Variants in ACSS3 observed in about 807,000 individuals in gnomAD.
ACSS3 encodes acyl-CoA synthetase short chain family member 3, also known as acyl-CoA synthetase short-chain family member 3, mitochondrial.
Under a neutral mutation model 84.2 loss-of-function variants are expected in ACSS3, and 64 were observed. The observed-to-expected ratio is 0.76, with a 90% CI of 0.62 to 0.94. ACSS3 has a LOEUF of 0.94. Among genes scored for constraint, ACSS3 ranks in the 40% least tolerant of loss-of-function variants. ACSS3 has a pLI of 0.00. For synonymous variants in ACSS3, 317 were observed against 310.1 expected (o/e 1.02, Z -0.23); for missense variants, 815 against 867.6 (o/e 0.94, Z 0.76).
intron 3 of ACSS3, among the ~76,000 whole-genome samples, chr12:81,135,765 A>G (rs1885770081): frequency 6.6e-6 from 1 of 152,116 alleles, no homozygotes; most frequent in South Asian, 2.1e-4. Context: ...CCAGACTTCA[A>G]GCTATTTAAA....
At chr12:81,243,567 G>A (rs1006509596) in intron 13 of ACSS3, among the ~76,000 whole-genome samples, 6 of 152,090 alleles carry the variant, frequency 3.9e-5, no homozygotes, top group Non-Finnish European at 8.8e-5. Flanking sequence ...TCCTAAGCCA[G>A]AAGAACAAAG....
At chr12:81,245,039 C>T (rs2033937182) in intron 13 of ACSS3, among the ~76,000 whole-genome samples, 1 of 152,042 alleles carries the variant, frequency 6.6e-6, no homozygotes, top group Non-Finnish European at 1.5e-5. Context: ...TAGGCCTTTG[C>T]TGGTGTATTG....
At chr12:81,207,251 A>G (rs1203389837) in intron 9 of ACSS3, among the ~76,000 whole-genome samples, 1 of 152,136 alleles carries the variant, frequency 6.6e-6, no homozygotes, top group African/African-American at 2.4e-5. Flanking sequence ...TGGAAATTTG[A>G]TTCCCCCTGA....
chr12:81,103,345 C>G (rs1293832637), intron 1 of ACSS3, among the ~76,000 whole-genome samples: 20 of 152,074 alleles, frequency 1.3e-4, no homozygotes, highest in Admixed American at 1.3e-3. Flanking sequence ...GGGAGACAAA[C>G]CATTTAAAAC....
intron 11 of ACSS3, among the ~76,000 whole-genome samples, chr12:81,230,841 T>C (rs937578066): frequency 3.3e-5 from 5 of 151,860 alleles, no homozygotes; most frequent in African/African-American, 1.2e-4. Flanking sequence ...TTTGTGCACT[T>C]TCCAGAGACT....
At chr12:81,200,931 A>T (rs2032077075) in intron 9 of ACSS3, among the ~76,000 whole-genome samples, 1 of 151,768 alleles carries the variant, frequency 6.6e-6, no homozygotes, top group Non-Finnish European at 1.5e-5. Flanking sequence ...GAAAGAAAAA[A>T]ATGTTTTTTA....
chr12:81,152,030 G>C lies in ACSS3; in HGVS notation c.1032G>C (p.Trp344Cys). 1 of 1,613,462 alleles carries C rather than the reference G, an allele frequency of 6.2e-7. No homozygotes were observed. Among genetic ancestry groups the C allele is most frequent in the Non-Finnish European group, 8.5e-7 (1 of 1,179,766 alleles). The change falls in exon 7 of 16, where the codon TGG becomes TGC. Residue 344 changes from tryptophan to cysteine, a missense_variant. Trp to Cys is a radical substitution (Grantham distance 215, BLOSUM62 -2). Coordinates refer to ENST00000548058, the MANE Select transcript of ACSS3 (RefSeq NM_024560.4). The part of the protein sequence containing the change: ...EVWWAASDLG[W>C]VVGHSYICYG... ...GGTGGGCAGCTTCTGACTTAGGCTG[G>C]GTTGTTGGACATTCCTATATCTGCT...
At chr12:81,125,225 AC>A (rs1342059553) in intron 2 of ACSS3, among the ~76,000 whole-genome samples, 1 of 152,060 alleles carries the variant, frequency 6.6e-6, no homozygotes, top group African/African-American at 2.4e-5. Flanking sequence ...AAAAAAAAAA[AC>A]AAAACAAAAC....
chr12:81,142,596 C>T (rs1886144119), intron 4 of ACSS3, among the ~76,000 whole-genome samples: 1 of 152,106 alleles, frequency 6.6e-6, no homozygotes, highest in African/African-American at 2.4e-5. Context: ...TTCCCTACTC[C>T]TGAAGAAGAA....
In ACSS3 at chr12:81,151,966, A is replaced by T. The variant is rs771822203; in HGVS notation, c.1003-35A>T. 1.4e-5 allele frequency: 23 copies of T among 1,612,516 alleles called. 1 individual carries two copies. In the South Asian group the frequency reaches 2.5e-4, roughly 18 times the overall value. On this transcript the variant is annotated intron_variant, in intron 6 of 15. Coordinates refer to ENST00000548058, the MANE Select transcript of ACSS3 (RefSeq NM_024560.4). ...ATTTACATTACATGACATTCTCTGA[A>T]TAAAATATATTCATTTTATTATCTT...
intron 8 of ACSS3, among the ~76,000 whole-genome samples, chr12:81,198,400 C>T (rs2031941125): frequency 6.6e-6 from 1 of 151,974 alleles, no homozygotes. Context: ...ATTTGAATCT[C>T]CATGAATCTT....
chr12:81,231,382 G>A (rs1565734259), intron 12 of ACSS3, among the ~76,000 whole-genome samples: 1 of 151,670 alleles, frequency 6.6e-6, no homozygotes, highest in African/African-American at 2.4e-5. Flanking sequence ...GCTTTTCCTA[G>A]AATTTAATAG....
In ACSS3 at chr12:81,199,648, C is replaced by T. The variant is rs899782848; in HGVS notation, c.1354+204C>T. The T allele has an allele frequency of 6.7e-6, 10 of 1,486,684 alleles. No individual in the cohort carries two copies. In the Admixed American group the frequency reaches 1.8e-4, roughly 27 times the overall value. The allele number at this position is 1,486,684 out of a possible 1,614,324, so 92.1% of individuals were successfully genotyped here. On this transcript the variant is annotated intron_variant, in intron 9 of 15. Transcript: ENST00000548058. ...TAAGTGACATTGATGCCACCATTCTCTTGGTCCCTAGGTATAAAGCACTAA... is the reference window on the plus strand; with the variant it reads ...TAAGTGACATTGATGCCACCATTCTTTTGGTCCCTAGGTATAAAGCACTAA...
intron 9 of ACSS3, among the ~76,000 whole-genome samples, chr12:81,206,982 A>T (rs2135916436): frequency 1.3e-5 from 2 of 152,238 alleles, no homozygotes; most frequent in South Asian, 4.1e-4. Context: ...TAGTTCAGAG[A>T]TGTAGAATTG....
chr12:81,148,846 G>A (rs1010284833), intron 5 of ACSS3, among the ~76,000 whole-genome samples: 2 of 148,200 alleles, frequency 1.3e-5, no homozygotes, highest in African/African-American at 2.5e-5. Flanking sequence ...CAGATCACGA[G>A]GTCTGGAGAT....
intron 13 of ACSS3, among the ~76,000 whole-genome samples, chr12:81,251,410 G>T (rs1017066936): frequency 4.6e-5 from 7 of 152,078 alleles, no homozygotes; most frequent in South Asian, 2.1e-4. Flanking sequence ...TGGTTCATCA[G>T]TTACAACAAA....
At chr12:81,141,738 T>C (rs1430990853) in intron 4 of ACSS3, among the ~76,000 whole-genome samples, 1 of 152,210 alleles carries the variant, frequency 6.6e-6, no homozygotes, top group Non-Finnish European at 1.5e-5. Flanking sequence ...TAGATCTCTG[T>C]GTTGTCAAAA....
rs533599549 is a variant in ACSS3, at chr12:81,153,728, G to A, written c.1098+1632G>A. Among the ~76,000 whole-genome samples, 274 of 152,242 alleles carry A rather than the reference G, an allele frequency of 1.8e-3. 1 individual carries two copies. The highest frequency in any genetic ancestry group is 6.1e-3 in the African/African-American group (253 of 41,556). On this transcript the variant is annotated intron_variant, in intron 7 of 15. Coordinates refer to ENST00000548058, the MANE Select transcript of ACSS3 (RefSeq NM_024560.4). ...GGAGAATAGTATTAAGTGATTTCAAGTTAATTTGCACTCTTAAATTTCTGC... is the reference window on the plus strand; with the variant it reads ...GGAGAATAGTATTAAGTGATTTCAAATTAATTTGCACTCTTAAATTTCTGC...
intron 8 of ACSS3, among the ~76,000 whole-genome samples, chr12:81,176,616 C>G (rs893275561): frequency 1.3e-5 from 2 of 151,474 alleles, no homozygotes; most frequent in African/African-American, 4.9e-5. Context: ...AAAATTGAGC[C>G]CAGAAGAAAT....
Sources: gnomAD v4.1 joint callset for allele counts (sites outside exome capture counted in the v4.1 genomes callset) on GRCh38, gnomAD v4.1.1 for gene constraint, MANE v1.5 for transcripts, NCBI Gene and HGNC (gene_info 2026-07-23, HGNC 2026-07-21) for gene names.